The following LMLN variants were observed in gnomAD, a reference collection of about 807,000 sequenced individuals.
The protein encoded by LMLN is leishmanolysin-like peptidase.
A neutral mutation model predicts 92.3 loss-of-function variants in LMLN; 70 were observed. The ratio of observed to expected loss-of-function variants is 0.76; its 90% CI spans 0.63 to 0.92. LMLN has a LOEUF of 0.92. LMLN is among the 40% of genes least tolerant of loss of function. The pLI is 0.00. For synonymous variants in LMLN, 308 were observed against 296.2 expected, an observed-to-expected ratio of 1.04 and a Z score of -0.41; for missense variants, 691 against 814.6, an observed-to-expected ratio of 0.85 and a Z score of 1.85.
At chr3:197,972,965 G>C (rs1365913228) in intron 1 of LMLN, among the ~76,000 whole-genome samples, 1 of 152,068 alleles carries the variant, frequency 6.6e-6, no homozygotes, top group East Asian at 1.9e-4. Flanking sequence ...TGAACATTTT[G>C]CTGTAGCTCC....
At chr3:198,022,328 T>G (rs753045747) in intron 13 of LMLN, among the ~76,000 whole-genome samples, 4 of 152,210 alleles carry the variant, frequency 2.6e-5, no homozygotes, top group Non-Finnish European at 5.9e-5. Flanking sequence ...TCATACTAAT[T>G]ACCTTTGTAA....
At chr3:197,978,150 AC>A (rs1721456208) in intron 5 of LMLN, among the ~76,000 whole-genome samples, 2 of 152,090 alleles carry the variant, frequency 1.3e-5, no homozygotes, top group African/African-American at 4.8e-5. Context: ...AAGTATACAC[AC>A]GTTAAATCTG....
At chr3:197,994,603 GC>G (rs893203274) in intron 9 of LMLN, 4 of 152,100 alleles carry the variant, frequency 2.6e-5, no homozygotes, top group African/African-American at 9.7e-5. Context: ...AGACAAAAGA[GC>G]TCTCGCTTTG....
chr3:197,996,265 G>GA lies in LMLN; in HGVS notation c.1144dup (p.Arg382LysfsTer6). 1 of 1,592,434 alleles carries GA rather than the reference G, an allele frequency of 6.3e-7. No homozygotes were observed. The highest frequency in any genetic ancestry group is 8.6e-7 in the Non-Finnish European group (1 of 1,168,382). The stretch of plus-strand genomic sequence containing the variant: ...TGTGGGCACTGAGCTCAACCATTGG[G>GA]AAAAAAGGTTATTAGAGGTCAGTTT... On this transcript the variant is annotated frameshift_variant, in exon 10 of 16. Transcript: ENST00000330198. LOFTEE classifies it high-confidence loss of function.
At chr3:197,987,091 C>T (rs529693065) in intron 8 of LMLN, among the ~76,000 whole-genome samples, 4 of 151,496 alleles carry the variant, frequency 2.6e-5, no homozygotes, top group Non-Finnish European at 4.4e-5. Context: ...CTGCCCGCCT[C>T]GGCCTCCCAA....
chr3:198,023,101 T>C (rs1722826516), intron 13 of LMLN, among the ~76,000 whole-genome samples: 1 of 152,184 alleles, frequency 6.6e-6, no homozygotes, highest in Admixed American at 6.5e-5. Flanking sequence ...CGTTACCGTC[T>C]GAAAGCAGTT....
At chr3:197,971,992 G>T (rs1312405144) in intron 1 of LMLN, among the ~76,000 whole-genome samples, 5 of 126,584 alleles carry the variant, frequency 3.9e-5, no homozygotes, top group Admixed American at 9.1e-5. Flanking sequence ...TCTCTTCTTC[G>T]GATTGGATAA....
At chr3:198,040,795 G>A (rs1581194077) in exon 16 of LMLN, 1 of 110,392 alleles carries the variant, frequency 9.1e-6, no homozygotes, top group African/African-American at 3.7e-5. Context: ...CACAACCCTC[G>A]GACAGACTCC....
At chr3:198,040,477 C>T (rs1359157336) in exon 16 of LMLN, 2 of 152,270 alleles carry the variant, frequency 1.3e-5, no homozygotes, top group Non-Finnish European at 1.5e-5. Flanking sequence ...CATTCTTTCT[C>T]TCAAGCTAAT....
At chr3:197,960,466 C>T in intron 1 of LMLN, 26 bp downstream of exon 1, 3 of 1,602,598 alleles carry the variant, frequency 1.9e-6, no homozygotes, top group Non-Finnish European at 2.6e-6. Context: ...CGGGAGCGGG[C>T]CCTCTCAGGG....
intron 12 of LMLN, among the ~76,000 whole-genome samples, chr3:198,020,768 ATTTTTT>A (rs71166715): frequency 9.1e-5 from 3 of 32,860 alleles, no homozygotes; most frequent in African/African-American, 2.4e-4. Context: ...TAATTTTTGT[ATTTTTT>A]TTTTTTTTTT....
At chr3:197,990,106 A>C (rs1455902759) in intron 8 of LMLN, among the ~76,000 whole-genome samples, 1 of 151,944 alleles carries the variant, frequency 6.6e-6, no homozygotes, top group Non-Finnish European at 1.5e-5. Flanking sequence ...TCTGTCACCC[A>C]GTCTGGAGTG....
chr3:197,993,639 T>C (rs936235437), intron 9 of LMLN, among the ~76,000 whole-genome samples: 2 of 152,098 alleles, frequency 1.3e-5, no homozygotes, highest in Non-Finnish European at 2.9e-5. Context: ...AGAATTAGTA[T>C]TGTTAAAATG....
chr3:197,974,996 A>T lies in LMLN; in HGVS notation c.318-46A>T. On this transcript the variant is annotated intron_variant, in intron 2 of 15. Transcript: ENST00000330198. The stretch of plus-strand genomic sequence containing the variant: ...TGGTTATTTCTTGATTACATGTGCT[A>T]TGCCTCTGAGAGATAATCCTTATGT... 3.1e-6 allele frequency: 4 copies of T among 1,269,958 alleles called. No individual in the cohort carries two copies. The South Asian group carries it at 5.0e-5, about 16-fold the overall frequency. The allele number at this position is 1,269,958 out of a possible 1,614,324, so 78.7% of individuals were successfully genotyped here. A position where few individuals can be genotyped will look rare whatever the true frequency, so the allele number is the denominator to read the frequency against.
chr3:197,999,312 G>A (rs1722109430), exon 11 of LMLN: 7 of 1,613,246 alleles, frequency 4.3e-6, no homozygotes, highest in Non-Finnish European at 5.9e-6. Context: ...GTACTCTCTC[G>A]AATCACTCTG....
At chr3:197,984,969 C>T (rs1438108916) in intron 7 of LMLN, among the ~76,000 whole-genome samples, 1 of 152,066 alleles carries the variant, frequency 6.6e-6, no homozygotes, top group Non-Finnish European at 1.5e-5. Flanking sequence ...TGAGCCACCG[C>T]GCCCAGCCCT....
At chr3:197,968,915 CAG>C (rs1721145605) in intron 1 of LMLN, among the ~76,000 whole-genome samples, 1 of 152,154 alleles carries the variant, frequency 6.6e-6, no homozygotes, top group Admixed American at 6.5e-5. Flanking sequence ...TATTTCTTAA[CAG>C]TGTTTTATTA....
At chr3:198,035,476 C>T (rs959682555) in intron 14 of LMLN, among the ~76,000 whole-genome samples, 5 of 149,880 alleles carry the variant, frequency 3.3e-5, no homozygotes, top group Non-Finnish European at 7.4e-5. Context: ...GATTCTCCTG[C>T]CTCAGCCTCC....
intron 3 of LMLN, among the ~76,000 whole-genome samples, chr3:197,975,616 A>G (rs919741590): frequency 5.9e-5 from 9 of 152,238 alleles, no homozygotes; most frequent in Non-Finnish European, 1.5e-5. Context: ...TTCTTAACAT[A>G]AACTATCTTA....
Sources: allele counts gnomAD v4.1 joint callset (sites outside exome capture counted in the v4.1 genomes callset), GRCh38; gene constraint gnomAD v4.1.1; transcripts MANE v1.5; gene names NCBI Gene and HGNC (gene_info 2026-07-23, HGNC 2026-07-21).